EXD3: variants seen among roughly 807,000 people sequenced by gnomAD.
EXD3 encodes the protein exonuclease 3'-5' domain containing 3, also known as exonuclease mut-7 homolog.
In EXD3, 92 loss-of-function variants were observed where a neutral mutation model predicts 98.0. That is an observed-to-expected ratio of 0.94 (90% CI 0.79 to 1.12). EXD3 has a LOEUF of 1.12. Among genes scored for constraint, EXD3 ranks in the 50% most tolerant of loss-of-function variants. EXD3 has a pLI of 0.00. For missense variants in EXD3, 1,222 were observed against 1,191.6 expected, an observed-to-expected ratio of 1.03 and a Z score of -0.38; for synonymous variants, 569 against 526.0, an observed-to-expected ratio of 1.08 and a Z score of -1.12.
chr9:137,355,728 A>AGGAGAAAG (rs1834738325), intron 8 of EXD3, among the ~76,000 whole-genome samples: 3 of 132,494 alleles, frequency 2.3e-5, no homozygotes, highest in African/African-American at 8.6e-5. Context: ...GGAAGGAGGA[A>AGGAGAAAG]GGAGGACCTA....
chr9:137,411,419 C>T lies in EXD3; in HGVS notation c.-48+11695G>A, dbSNP rs549450875. On this transcript the variant is annotated intron_variant, in intron 1 of 21. Coordinates refer to ENST00000340951, the MANE Select transcript of EXD3 (RefSeq NM_017820.5). ...CTGGGAGGCCTGGCCAGACACCCGGCGGCCTCCCAGGGAGCCTCCACAGGA... is the reference window on the plus strand; with the variant it reads ...CTGGGAGGCCTGGCCAGACACCCGGTGGCCTCCCAGGGAGCCTCCACAGGA... Among the ~76,000 whole-genome samples the T allele has an allele frequency of 5.9e-5, 9 of 152,032 alleles. No individual in the cohort carries two copies. In the South Asian group the frequency reaches 1.0e-3, roughly 18 times the overall value.
Position 137,395,477 on chromosome 9 carries a change from C to A in EXD3, c.-47-73G>T, listed in dbSNP as rs562545117. On this transcript the variant is annotated intron_variant, in intron 1 of 21. Coordinates refer to ENST00000340951, the MANE Select transcript of EXD3 (RefSeq NM_017820.5). The surrounding 1 kb of genome is among the most constrained non-coding windows in gnomAD (Gnocchi z 6.5). The stretch of plus-strand genomic sequence containing the variant: ...AGCCATGCAGAGCCCACGCCCACAG[C>A]CCCTGGAGGTGGTGGAGGGAGCTGG... 3.5e-6 allele frequency: 5 copies of A among 1,437,728 alleles called. No individual in the cohort carries two copies. The highest frequency in any genetic ancestry group is 4.8e-6 in the Non-Finnish European group (5 of 1,046,956). 89.1% of individuals were successfully genotyped at this position (1,437,728 alleles called of 1,614,324 possible).
chr9:137,317,086 G>T (rs998937671), intron 19 of EXD3, among the ~76,000 whole-genome samples: 1 of 152,152 alleles, frequency 6.6e-6, no homozygotes, highest in Non-Finnish European at 1.5e-5. Context: ...GGCGGGCCTG[G>T]AGGGGGTGGG....
rs1186149836 is a variant in EXD3, at chr9:137,405,424, G to A, written c.-47-10020C>T. The stretch of plus-strand genomic sequence containing the variant: ...TGGACTCATTCGTGCTGGTGTCCGT[G>A]GCCCAAGGATTTGCAGAGCCGCGGA... On this transcript the variant is annotated intron_variant, in intron 1 of 21. Coordinates refer to ENST00000340951, the MANE Select transcript of EXD3 (RefSeq NM_017820.5). The surrounding 1 kb of genome is among the most constrained non-coding windows in gnomAD (Gnocchi z 4.1). 6.6e-6 allele frequency among the ~76,000 whole-genome samples: 1 copy of A among 152,244 alleles called. No homozygotes were observed. The highest frequency in any genetic ancestry group is 6.5e-5 in the Admixed American group (1 of 15,292).
rs1015034229 is a variant in EXD3 at position 137,403,879 on chromosome 9, C to A, written c.-47-8475G>T. Among the ~76,000 whole-genome samples, 1 of 152,204 alleles carries A rather than the reference C, an allele frequency of 6.6e-6. No homozygotes were observed. The highest frequency in any genetic ancestry group is 1.5e-5 in the Non-Finnish European group (1 of 68,028). On this transcript the variant is annotated intron_variant, in intron 1 of 21. Transcript: ENST00000340951. This position sits in a 1 kb window ranked among gnomAD's most constrained non-coding sequence, Gnocchi z 6.1. ...ACAGACCTGTGGGATAGGGATGGGT[C>A]CCGAGGCGGGGCAGTCACACCCCCA...
chr9:137,313,830 G>A (rs1187881392), intron 19 of EXD3, among the ~76,000 whole-genome samples: 2 of 152,284 alleles, frequency 1.3e-5, no homozygotes, highest in South Asian at 4.1e-4. Context: ...CTGGGAAAAC[G>A]GCAAAGCATG....
chr9:137,312,662 G>A (rs1305116232), intron 19 of EXD3, among the ~76,000 whole-genome samples: 1 of 152,166 alleles, frequency 6.6e-6, no homozygotes, highest in Non-Finnish European at 1.5e-5. Context: ...GCCATCTGGG[G>A]AGGCGCACTC....
At chr9:137,355,647 GAAGGAGGAAGGAGGAAGGAGA>G (rs1834698097) in intron 8 of EXD3, among the ~76,000 whole-genome samples, 1 of 140,052 alleles carries the variant, frequency 7.1e-6, no homozygotes, top group South Asian at 2.3e-4. Flanking sequence ...GAGGAAGGAG[GAAGGAGGAAGGAGGAAGGAGA>G]AAGGGAGGAT....
intron 17 of EXD3, among the ~76,000 whole-genome samples, chr9:137,339,534 C>G (rs530491812): frequency 3.3e-5 from 5 of 150,996 alleles, no homozygotes; most frequent in African/African-American, 1.2e-4. Flanking sequence ...GACCAAAGTC[C>G]GCAATGTATT....
In EXD3 at chr9:137,356,284, C is replaced by T. The variant is rs538317756; in HGVS notation, c.741G>A (p.Arg247=). 76 of 1,602,008 alleles carry T rather than the reference C, an allele frequency of 4.7e-5. No individual in the cohort carries two copies. The Middle Eastern group carries it at 2.2e-3, about 47-fold the overall frequency. ...TGGACTCACCTGGGGCTACGCCGTA[C>T]CGCTCCTGCAGACGCAAGACCTGCC... ...LSRQVLRLQE[R]YGVAPALCPN... The change falls in exon 8 of 22, where the codon CGG becomes CGA. Residue 247 remains arginine, a synonymous_variant. Coordinates refer to ENST00000340951, the MANE Select transcript of EXD3 (RefSeq NM_017820.5).
intron 1 of EXD3, among the ~76,000 whole-genome samples, chr9:137,404,241 G>A (rs1357973116): frequency 6.6e-6 from 1 of 152,182 alleles, no homozygotes; most frequent in Non-Finnish European, 1.5e-5. Context: ...AATTTGGGGG[G>A]AAACAACTCA....
intron 7 of EXD3, among the ~76,000 whole-genome samples, chr9:137,364,183 C>G (rs770650907): frequency 2.5e-4 from 38 of 152,086 alleles, no homozygotes; most frequent in Non-Finnish European, 4.6e-4. Context: ...TTTTTGTGCT[C>G]AGTCTATTCT....
At chr9:137,338,167 A>C (rs978161857) in intron 17 of EXD3, among the ~76,000 whole-genome samples, 1 of 152,206 alleles carries the variant, frequency 6.6e-6, no homozygotes, top group African/African-American at 2.4e-5. Flanking sequence ...AATCTTAAGA[A>C]ATTTCCAAAA....
intron 19 of EXD3, among the ~76,000 whole-genome samples, chr9:137,322,742 G>T (rs1035181294): frequency 8.5e-5 from 5 of 58,712 alleles, no homozygotes; most frequent in African/African-American, 1.6e-4. Context: ...CACGAGGGAT[G>T]CTCTGCCGAC....
intron 4 of EXD3, 33 bp from the exon 5 acceptor site, chr9:137,373,105 C>T (rs753292962): frequency 2.6e-6 from 4 of 1,524,696 alleles, no homozygotes; most frequent in Non-Finnish European, 3.5e-6. Flanking sequence ...TTACTGGACG[C>T]AGCACCCAGT....
intron 17 of EXD3, among the ~76,000 whole-genome samples, chr9:137,335,334 A>G (rs1833298608): frequency 6.6e-6 from 1 of 152,138 alleles, no homozygotes; most frequent in Non-Finnish European, 1.5e-5. Context: ...GGGAAATGCA[A>G]ATTAAAACCA....
rs1167772389 is a variant in EXD3 at position 137,343,575 on chromosome 9, C to CTTTTTTTTTTTTTTTTTTTTT, written c.1998+4475_1998+4495dup. 4 of 56,586 alleles carry CTTTTTTTTTTTTTTTTTTTTT rather than the reference C, an allele frequency of 7.1e-5. 2 individuals are homozygous for CTTTTTTTTTTTTTTTTTTTTT. The highest frequency in any genetic ancestry group is 1.6e-4 in the African/African-American group (2 of 12,674). The allele number at this position is 56,586 out of a possible 1,614,324, so 3.5% of individuals were successfully genotyped here. A position where few individuals can be genotyped will look rare whatever the true frequency, so the allele number is the denominator to read the frequency against. On this transcript the variant is annotated intron_variant, in intron 17 of 21. Coordinates refer to ENST00000340951, the MANE Select transcript of EXD3 (RefSeq NM_017820.5). ...AACATCTCACCATGGACTACTGTAT[C>CTTTTTTTTTTTTTTTTTTTTT]TTTTTTTTTTTTTTTTTTTTTTTTT... is the stretch of plus-strand genomic sequence containing the variant.
rs1200990773 is a variant in EXD3, at chr9:137,383,436, G to A, written c.56-59C>T. On this transcript the variant is annotated intron_variant, in intron 2 of 21. Coordinates refer to ENST00000340951, the MANE Select transcript of EXD3 (RefSeq NM_017820.5). ...AGGCAGGTGCAGGGGCTATCGCACA[G>A]CCCGCCGGGAAGTCCCTCCCACTGA... 25 of 1,338,298 alleles carry A rather than the reference G, an allele frequency of 1.9e-5. No homozygotes were observed. In the Admixed American group the frequency reaches 5.5e-4, roughly 29 times the overall value. The allele number at this position is 1,338,298 out of a possible 1,614,324, so 82.9% of individuals were successfully genotyped here.
intron 1 of EXD3, among the ~76,000 whole-genome samples, chr9:137,399,075 C>T (rs1049177439): frequency 1.3e-5 from 2 of 152,242 alleles, no homozygotes; most frequent in African/African-American, 2.4e-5. Context: ...GGCGCATCCA[C>T]GTCCCCATGA....
Sources: allele counts gnomAD v4.1 joint callset (sites outside exome capture counted in the v4.1 genomes callset), GRCh38; gene constraint gnomAD v4.1.1; non-coding constraint Gnocchi (gnomAD v3.1); transcripts MANE v1.5; gene names NCBI Gene and HGNC (gene_info 2026-07-23, HGNC 2026-07-21).